NFIA: variants seen among roughly 807,000 people sequenced by gnomAD.
NFIA encodes the protein nuclear factor 1 A-type.
Under a neutral mutation model 62.8 loss-of-function variants are expected in NFIA, and 8 were observed. The ratio of observed to expected loss-of-function variants is 0.13; its 90% CI spans 0.07 to 0.23. The LOEUF (loss-of-function observed/expected upper bound fraction) is 0.23, where lower values mean the gene tolerates loss of function less well. NFIA is among the 10% of genes least tolerant of loss of function. The probability of loss-of-function intolerance (pLI) is 1.00; values close to 1 mark genes in which losing one functional copy is unlikely to be tolerated. For missense variants in NFIA, 410 were observed against 642.1 expected, an observed-to-expected ratio of 0.64 and a Z score of 3.91; for synonymous variants, 235 against 238.1, an observed-to-expected ratio of 0.99 and a Z score of 0.12.
chr1:61,154,424 G>A (rs1648646118), intron 2 of NFIA, among the ~76,000 whole-genome samples: 1 of 152,126 alleles, frequency 6.6e-6, no homozygotes, highest in African/African-American at 2.4e-5. Flanking sequence ...CCAAAGTGCT[G>A]GGATTATAGG....
chr1:61,203,082 T>C (rs1652619648), intron 2 of NFIA, among the ~76,000 whole-genome samples: 1 of 152,252 alleles, frequency 6.6e-6, no homozygotes, highest in Admixed American at 6.5e-5. Flanking sequence ...AACACCTACA[T>C]TTTTGCTGAT....
intron 2 of NFIA, among the ~76,000 whole-genome samples, chr1:61,232,068 T>C (rs979998697): frequency 9.9e-5 from 15 of 152,200 alleles, no homozygotes; most frequent in African/African-American, 3.6e-4. Context: ...GAACTCAATA[T>C]GCAAAAAAGA....
chr1:61,336,680 A>T, intron 4 of NFIA, among the ~76,000 whole-genome samples: 1 of 150,982 alleles, frequency 6.6e-6, no homozygotes, highest in East Asian at 1.9e-4. Context: ...ATTACCTCCC[A>T]CTCCCCACCA....
chr1:61,232,901 T>C (rs1388975374), intron 2 of NFIA, among the ~76,000 whole-genome samples: 1 of 152,222 alleles, frequency 6.6e-6, no homozygotes, highest in African/African-American at 2.4e-5. Flanking sequence ...CACTCATTGC[T>C]CATAAATTCA....
chr1:61,411,632 G>T (rs1666106523), intron 9 of NFIA, among the ~76,000 whole-genome samples: 1 of 151,932 alleles, frequency 6.6e-6, no homozygotes, highest in Admixed American at 6.6e-5. Flanking sequence ...TTCTAGAGAG[G>T]GAAGAAAGAC....
chr1:61,380,951 C>T (rs1664383065), intron 6 of NFIA, among the ~76,000 whole-genome samples: 1 of 152,060 alleles, frequency 6.6e-6, no homozygotes, highest in Admixed American at 6.6e-5. Flanking sequence ...GGATTTCAAT[C>T]ATGTCAATAT....
intron 2 of NFIA, among the ~76,000 whole-genome samples, chr1:61,123,083 T>C (rs1646913933): frequency 6.6e-6 from 1 of 152,230 alleles, no homozygotes; most frequent in Admixed American, 6.5e-5. Flanking sequence ...TGATATCCTA[T>C]CATCAGAATC....
intron 9 of NFIA, among the ~76,000 whole-genome samples, chr1:61,421,512 G>A (rs1666619496): frequency 6.6e-6 from 1 of 152,206 alleles, no homozygotes; most frequent in Non-Finnish European, 1.5e-5. Context: ...CAAACTTCAT[G>A]TCGGTTTGTA....
intron 2 of NFIA, among the ~76,000 whole-genome samples, chr1:61,275,851 A>T (rs974563636): frequency 1.3e-5 from 2 of 152,128 alleles, no homozygotes; most frequent in African/African-American, 4.8e-5. Context: ...GAAGGTAGTC[A>T]TGCTGTATTT....
chr1:61,219,906 T>C (rs751821705), intron 2 of NFIA, among the ~76,000 whole-genome samples: 2 of 152,050 alleles, frequency 1.3e-5, no homozygotes, highest in South Asian at 2.1e-4. Flanking sequence ...GAGGTTGCAG[T>C]GAGCTGAAAT....
chr1:61,234,964 T>C (rs1654903181), intron 2 of NFIA, among the ~76,000 whole-genome samples: 1 of 152,224 alleles, frequency 6.6e-6, no homozygotes, highest in Admixed American at 6.5e-5. Context: ...CCTGGCTTCT[T>C]ATTTTAGTTC....
At chr1:61,080,180 G>C (rs78467637), upstream of NFIA, among the ~76,000 whole-genome samples, 162 of 152,090 alleles carry the variant, frequency 1.1e-3, 4 homozygotes, top group East Asian at 0.027. Context: ...AGTTACTTAA[G>C]ATAATATTGC....
At chr1:61,299,850 G>A (rs1218825794) in intron 3 of NFIA, among the ~76,000 whole-genome samples, 2 of 152,094 alleles carry the variant, frequency 1.3e-5, no homozygotes, top group African/African-American at 4.8e-5. Flanking sequence ...TAACAAACAG[G>A]CCAATACCTT....
intron 10 of NFIA, among the ~76,000 whole-genome samples, chr1:61,446,510 G>A (rs959792173): frequency 2.0e-5 from 3 of 152,170 alleles, no homozygotes; most frequent in African/African-American, 4.8e-5. Context: ...GAAAGACCAG[G>A]AACAGTGGAC....
chr1:61,458,647 C>T lies in NFIA; in HGVS notation c.*3327C>T, dbSNP rs182562420. The T allele has an allele frequency of 2.7e-5, 4 of 150,414 alleles. No individual in the cohort carries two copies. The highest frequency in any genetic ancestry group is 5.9e-5 in the Non-Finnish European group (4 of 67,794). The allele number at this position is 150,414 out of a possible 1,614,324, so 9.3% of individuals were successfully genotyped here. ...ATTGCTTTTCTTTCTTTTTACCCCC[C>T]CTTTGGGAACTGGATTTAAGTTTAA... On this transcript the variant is annotated 3_prime_UTR_variant, in exon 11 of 11. Transcript: ENST00000403491.
At chr1:61,114,254 G>C (rs893256711) in intron 2 of NFIA, among the ~76,000 whole-genome samples, 2 of 151,650 alleles carry the variant, frequency 1.3e-5, no homozygotes, top group South Asian at 2.1e-4. Context: ...TTCTATATAC[G>C]TAGAAAGACC....
At position 61,365,922 on chromosome 1, in the gene NFIA, G is replaced by T. The variant is rs550129392; in HGVS notation, c.946+6648G>T. On this transcript the variant is annotated intron_variant, in intron 6 of 10. Coordinates refer to ENST00000403491, the MANE Select transcript of NFIA (RefSeq NM_001134673.4). Reference sequence around the variant, plus strand: ...CTGAGGGTAGTTGAAAGCAGACAGGGTTAAGTGTCACAGGAGTAAAAGAAA... The same window carrying T: ...CTGAGGGTAGTTGAAAGCAGACAGGTTTAAGTGTCACAGGAGTAAAAGAAA... 7.9e-5 allele frequency among the ~76,000 whole-genome samples: 12 copies of T among 152,286 alleles called. No homozygotes were observed. In the South Asian group the frequency reaches 2.5e-3, roughly 32 times the overall value.
intron 2 of NFIA, among the ~76,000 whole-genome samples, chr1:61,143,340 A>G (rs1417110654): frequency 1.3e-5 from 2 of 152,084 alleles, no homozygotes; most frequent in African/African-American, 4.8e-5. Context: ...TACCACTTAG[A>G]ACTTCTTACT....
intron 2 of NFIA, among the ~76,000 whole-genome samples, chr1:61,274,264 G>A (rs1371428562): frequency 6.6e-6 from 1 of 152,050 alleles, no homozygotes; most frequent in African/African-American, 2.4e-5. Context: ...GTCTATTTTA[G>A]GTTTAAATTT....
Sources: gnomAD v4.1 joint callset for allele counts (sites outside exome capture counted in the v4.1 genomes callset) on GRCh38, gnomAD v4.1.1 for gene constraint, MANE v1.5 for transcripts, NCBI Gene and HGNC (gene_info 2026-07-23, HGNC 2026-07-21) for gene names.